The following ADK variants were observed in gnomAD, a reference collection of about 807,000 sequenced individuals.
ADK encodes adenosine kinase.
A neutral mutation model predicts 44.7 loss-of-function variants in ADK; 24 were observed. That is an observed-to-expected ratio of 0.54 (90% CI 0.39 to 0.76). The LOEUF is 0.76. Ranked by LOEUF, ADK falls within the 30% of genes least tolerant of loss-of-function variation. The pLI is 0.00. For missense variants in ADK, 321 were observed against 425.1 expected (o/e 0.76, Z 2.15); for synonymous variants, 128 against 142.6 (o/e 0.90, Z 0.73).
At chr10:74,378,628 G>A (rs2131996837) in intron 4 of ADK, among the ~76,000 whole-genome samples, 1 of 152,212 alleles carries the variant, frequency 6.6e-6, no homozygotes. Flanking sequence ...GAGTGTTTGT[G>A]GCATAGGGAA....
At chr10:74,703,542 C>A (rs72820527) in intron 10 of ADK, among the ~76,000 whole-genome samples, 8,847 of 152,124 alleles carry the variant, frequency 0.058, 334 homozygotes, top group Middle Eastern at 0.085. Flanking sequence ...CTATATTCTT[C>A]AAAAATGTCC....
At chr10:74,465,721 A>G (rs1846329195) in intron 6 of ADK, among the ~76,000 whole-genome samples, 1 of 152,110 alleles carries the variant, frequency 6.6e-6, no homozygotes, top group African/African-American at 2.4e-5. Context: ...TTTACGAGAG[A>G]AATGAGTCAA....
At chr10:74,373,662 A>G (rs1842737053) in intron 4 of ADK, among the ~76,000 whole-genome samples, 1 of 152,196 alleles carries the variant, frequency 6.6e-6, no homozygotes, top group Non-Finnish European at 1.5e-5. Context: ...TCAGAAGGAC[A>G]GAGTTTTGGC....
intron 2 of ADK, among the ~76,000 whole-genome samples, chr10:74,202,398 A>G (rs1228229257): frequency 6.6e-6 from 1 of 152,040 alleles, no homozygotes; most frequent in Non-Finnish European, 1.5e-5. Flanking sequence ...TTTTTTGTCT[A>G]TTAGGAACAA....
intron 9 of ADK, among the ~76,000 whole-genome samples, chr10:74,625,557 G>A (rs554033018): frequency 6.6e-6 from 1 of 152,182 alleles, no homozygotes; most frequent in East Asian, 1.9e-4. Flanking sequence ...TGTTTATAAA[G>A]CCCTGTTTCA....
chr10:74,215,592 T>C (rs1843980979), intron 2 of ADK, among the ~76,000 whole-genome samples: 2 of 151,988 alleles, frequency 1.3e-5, no homozygotes, highest in East Asian at 1.9e-4. Flanking sequence ...CCCAAAGTGC[T>C]GGGATTATAA....
At chr10:74,205,070 T>A (rs1452151615) in intron 2 of ADK, among the ~76,000 whole-genome samples, 146 of 107,390 alleles carry the variant, frequency 1.4e-3, no homozygotes, top group African/African-American at 2.4e-3. Flanking sequence ...AAAAAAAAAA[T>A]TAAACCAAGC....
chr10:74,274,753 C>CATTATATATATATATATATATATAT (rs1846603574), intron 3 of ADK, among the ~76,000 whole-genome samples: 1 of 49,922 alleles, frequency 2.0e-5, no homozygotes, highest in Non-Finnish European at 5.0e-5. Context: ...TATATACACA[C>CATTATATATATATATATATATATAT]ACACATTATA....
chr10:74,190,256 A>G (rs1357165523), intron 1 of ADK, among the ~76,000 whole-genome samples: 1 of 152,198 alleles, frequency 6.6e-6, no homozygotes, highest in Admixed American at 6.5e-5. Context: ...TTACTGTTCT[A>G]GTCTTCGCTG....
At chr10:74,264,140 C>T (rs1298407848) in intron 3 of ADK, among the ~76,000 whole-genome samples, 1 of 152,128 alleles carries the variant, frequency 6.6e-6, no homozygotes, top group African/African-American at 2.4e-5. Context: ...GGAATCATTC[C>T]ATTATCATAA....
intron 3 of ADK, among the ~76,000 whole-genome samples, chr10:74,309,482 C>T (rs1016378557): frequency 6.6e-6 from 1 of 152,084 alleles, no homozygotes; most frequent in Non-Finnish European, 1.5e-5. Flanking sequence ...ACAACAGATA[C>T]AATTAAAGTC....
chr10:74,323,054 A>T (rs1392051854), intron 4 of ADK, among the ~76,000 whole-genome samples: 1 of 152,214 alleles, frequency 6.6e-6, no homozygotes, highest in African/African-American at 2.4e-5. Context: ...TCTGGGTATG[A>T]CATTAAACAT....
intron 3 of ADK, among the ~76,000 whole-genome samples, chr10:74,240,987 T>TAAAACAG (rs767318023): frequency 1.8e-4 from 27 of 152,188 alleles, no homozygotes; most frequent in Admixed American, 3.3e-4. Context: ...TCTTCTTTGT[T>TAAAACAG]TTATCTGGAA....
intron 7 of ADK, among the ~76,000 whole-genome samples, chr10:74,530,906 T>C (rs150684387): frequency 6.6e-6 from 1 of 152,106 alleles, no homozygotes; most frequent in African/African-American, 2.4e-5. Flanking sequence ...GCCAGTGTGA[T>C]TGAGACTCTG....
chr10:74,655,230 C>A, intron 9 of ADK: 1 of 391,152 alleles, frequency 2.6e-6, no homozygotes. Context: ...GAGACAGGTG[C>A]ATGGACAGGG....
At chr10:74,302,099 TTG>T (rs1491085219) in intron 3 of ADK, among the ~76,000 whole-genome samples, 383 of 21,424 alleles carry the variant, frequency 0.018, 38 homozygotes, top group Middle Eastern at 0.038. Context: ...TGTTTTTTTT[TTG>T]TTTGTTTGTT....
At position 74,160,725 on chromosome 10, in the gene ADK, G is replaced by GTGTATA. The variant is rs1554824343; in HGVS notation, c.65+9385_65+9386insATATGT. ...TGTGTGTGTGTGTGTGTGTATGTGT[G>GTGTATA]TGTGTAGGTAGTACTAGGTATATGG... On this transcript the variant is annotated intron_variant, in intron 1 of 10. Transcript: ENST00000539909. 2.7e-5 allele frequency among the ~76,000 whole-genome samples: 4 copies of GTGTATA among 150,858 alleles called. No individual in the cohort carries two copies. In the South Asian group the frequency reaches 8.4e-4, roughly 32 times the overall value.
intron 4 of ADK, among the ~76,000 whole-genome samples, chr10:74,383,016 C>T (rs1843024011): frequency 6.6e-6 from 1 of 151,822 alleles, no homozygotes; most frequent in Admixed American, 6.6e-5. Context: ...AGCAGACTAA[C>T]AAAGCTTAGA....
rs919237534 is a variant in ADK, at chr10:74,331,980, A to G, written c.273+17235A>G. On this transcript the variant is annotated intron_variant, in intron 4 of 10. Transcript: ENST00000539909. ...GGAATCCTCCTGCTTCAGTCTCCTG[A>G]GTAGCTGGGATTACAGGCTTCTGCC... is the stretch of plus-strand genomic sequence containing the variant. 2.0e-4 allele frequency among the ~76,000 whole-genome samples: 30 copies of G among 152,268 alleles called. 1 individual carries two copies. The highest frequency in any genetic ancestry group is 7.2e-4 in the African/African-American group (30 of 41,552).
Sources: gnomAD v4.1 joint callset for allele counts (sites outside exome capture counted in the v4.1 genomes callset) on GRCh38, gnomAD v4.1.1 for gene constraint, MANE v1.5 for transcripts, NCBI Gene and HGNC (gene_info 2026-07-23, HGNC 2026-07-21) for gene names.